Variants in EHBP1 observed in about 807,000 individuals in gnomAD.
The protein encoded by EHBP1 is EH domain-binding protein 1.
In EHBP1, 55 loss-of-function variants were observed where a neutral mutation model predicts 144.0. That is an observed-to-expected ratio of 0.38 (90% confidence interval 0.31 to 0.48). EHBP1 has a LOEUF of 0.48. EHBP1 is among the 20% of genes least tolerant of loss of function. The pLI is 0.98. For missense variants in EHBP1, 1,200 were observed against 1,364.2 expected (o/e 0.88, Z 1.90); for synonymous variants, 469 against 472.7 (o/e 0.99, Z 0.10).
In EHBP1 at chr2:62,948,742, T is replaced by A; in HGVS notation, c.1896T>A (p.Asp632Glu). ...QQSSGRTSGSDDPGICSNTDS... is the reference protein window; with the variant it reads ...QQSSGRTSGSEDPGICSNTDS... ...GCTCTGGAAGGACTTCAGGATCTGA[T>A]GACCCTGGAATATGTTCCAATACAG... is the stretch of plus-strand genomic sequence containing the variant. Residue 632 changes from aspartate (D) to glutamate (E), a missense_variant, in exon 13 of 23, where the codon GAT becomes GAA. Around this residue, in one of 6 missense-constraint regions of EHBP1, gnomAD observed 543 missense variants for 513.1 expected, o/e 1.06. Transcript: ENST00000431489. 6.2e-7 allele frequency: 1 copy of A among 1,614,132 alleles called. No individual in the cohort carries two copies. The highest frequency in any genetic ancestry group is 8.5e-7 in the Non-Finnish European group (1 of 1,180,002).
At position 62,845,042 on chromosome 2, in the gene EHBP1, A is replaced by G. The variant is rs76895834; in HGVS notation, c.634+13884A>G. ...TGACAAGATTCAGATAGTTAGGAGC[A>G]GGGATTGCTTTGTCTTAAAATCCCC... On this transcript the variant is annotated intron_variant, in intron 7 of 22. Transcript: ENST00000431489. 4.7e-4 allele frequency among the ~76,000 whole-genome samples: 71 copies of G among 152,204 alleles called. 1 individual carries two copies. Among genetic ancestry groups the G allele is most frequent in the African/African-American group, 1.4e-3 (58 of 41,536 alleles).
chr2:62,773,318 G>A (rs945568838), intron 5 of EHBP1, among the ~76,000 whole-genome samples: 3 of 152,008 alleles, frequency 2.0e-5, no homozygotes, highest in African/African-American at 7.3e-5. Flanking sequence ...CTGTCTAGGT[G>A]TATTAACTCT....
chr2:62,928,840 C>CAAAAAAAA (rs760426482), intron 10 of EHBP1, among the ~76,000 whole-genome samples: 16 of 65,166 alleles, frequency 2.5e-4, no homozygotes, highest in African/African-American at 2.9e-4. Flanking sequence ...AGACTAAGAA[C>CAAAAAAAA]AAAAAAAAAA....
chr2:62,884,460 C>G (rs2051745997), intron 10 of EHBP1, among the ~76,000 whole-genome samples: 1 of 152,186 alleles, frequency 6.6e-6, no homozygotes, highest in African/African-American at 2.4e-5. Flanking sequence ...TATCAGGTGG[C>G]TTAGTGTTCT....
At chr2:62,825,785 C>G (rs569647655) in intron 5 of EHBP1, among the ~76,000 whole-genome samples, 2 of 152,094 alleles carry the variant, frequency 1.3e-5, no homozygotes, top group African/African-American at 4.8e-5. Context: ...TCATAGTAAC[C>G]CTGGAGACTT....
rs1189570260 is a variant in EHBP1, at chr2:62,993,941, A to G, written c.2943A>G (p.Glu981=). 6.3e-7 allele frequency: 1 copy of G among 1,587,196 alleles called. No individual in the cohort carries two copies. Among genetic ancestry groups the G allele is most frequent in the Non-Finnish European group, 8.6e-7 (1 of 1,163,956 alleles). The change falls in exon 18 of 23, where the codon GAA becomes GAG. Residue 981 remains glutamate, a synonymous_variant. Coordinates refer to ENST00000431489, the MANE Select transcript of EHBP1 (RefSeq NM_001142616.3). The part of the protein sequence containing the change: ...KGNEEKAAIT[E]TQRKPSEDEV... ...ATGAGGAGAAGGCAGCGATAACTGA[A>G]ACTCAGAGGAAGCCATCAGAAGATG...
At chr2:62,820,470 T>G (rs1445283631) in intron 5 of EHBP1, among the ~76,000 whole-genome samples, 1 of 151,280 alleles carries the variant, frequency 6.6e-6, no homozygotes, top group Non-Finnish European at 1.5e-5. Flanking sequence ...TTTCCAGAAC[T>G]TTTTCATCAT....
chr2:62,752,612 C>T (rs572331113), intron 3 of EHBP1, among the ~76,000 whole-genome samples: 11 of 152,128 alleles, frequency 7.2e-5, no homozygotes, highest in Non-Finnish European at 1.5e-4. Context: ...GTGTGGGAGT[C>T]TAAGTCTCTT....
chr2:62,882,299 G>C (rs2051509179), intron 10 of EHBP1, among the ~76,000 whole-genome samples: 1 of 152,104 alleles, frequency 6.6e-6, no homozygotes, highest in Non-Finnish European at 1.5e-5. Flanking sequence ...TTGCTGGGTT[G>C]TGCTAGAGAA....
At chr2:62,715,223 T>C (rs2035545210) in intron 2 of EHBP1, among the ~76,000 whole-genome samples, 1 of 152,222 alleles carries the variant, frequency 6.6e-6, no homozygotes, top group Non-Finnish European at 1.5e-5. Flanking sequence ...CAAGCAATTC[T>C]TCTGCCTCGG....
At chr2:62,894,323 A>G (rs1034382819) in intron 10 of EHBP1, among the ~76,000 whole-genome samples, 2 of 152,326 alleles carry the variant, frequency 1.3e-5, no homozygotes, top group Admixed American at 6.5e-5. Context: ...AATGAGCATT[A>G]CTTACACCTC....
chr2:62,791,105 C>G (rs1485770151), intron 5 of EHBP1, among the ~76,000 whole-genome samples: 1 of 151,926 alleles, frequency 6.6e-6, no homozygotes, highest in Non-Finnish European at 1.5e-5. Flanking sequence ...GTAACTAGCC[C>G]AAAGTCATAT....
intron 19 of EHBP1, among the ~76,000 whole-genome samples, chr2:63,012,955 T>A (rs1363694228): frequency 2.0e-5 from 3 of 151,838 alleles, no homozygotes; most frequent in African/African-American, 2.4e-5. Flanking sequence ...TCAAAGTGAG[T>A]CTTATGTTTA....
intron 5 of EHBP1, among the ~76,000 whole-genome samples, chr2:62,802,139 C>T (rs776255127): frequency 6.6e-5 from 10 of 152,228 alleles, no homozygotes; most frequent in East Asian, 1.9e-4. Context: ...TCAGGTGCAA[C>T]GAATTCTAAC....
At chr2:63,008,554 A>G (rs979281591) in intron 19 of EHBP1, among the ~76,000 whole-genome samples, 4 of 151,106 alleles carry the variant, frequency 2.6e-5, no homozygotes, top group African/African-American at 9.7e-5. Flanking sequence ...AGTGATATAT[A>G]AATCACTGCT....
At chr2:63,028,785 T>A (rs2061100172) in intron 19 of EHBP1, among the ~76,000 whole-genome samples, 1 of 152,214 alleles carries the variant, frequency 6.6e-6, no homozygotes, top group Non-Finnish European at 1.5e-5. Context: ...CACTTGGCAT[T>A]TAGTAAATAA....
intron 5 of EHBP1, among the ~76,000 whole-genome samples, chr2:62,818,732 A>G (rs1386446390): frequency 1.3e-5 from 2 of 152,222 alleles, no homozygotes; most frequent in Non-Finnish European, 2.9e-5. Context: ...GAATCACAAA[A>G]TCACAAGTTG....
intron 19 of EHBP1, among the ~76,000 whole-genome samples, chr2:63,028,406 A>T (rs1261723266): frequency 6.6e-6 from 1 of 151,918 alleles, no homozygotes; most frequent in Non-Finnish European, 1.5e-5. Context: ...CTCTGGAGAC[A>T]CCCTGGGTAC....
At chr2:62,860,447 G>A (rs563524683) in intron 8 of EHBP1, among the ~76,000 whole-genome samples, 113 of 152,010 alleles carry the variant, frequency 7.4e-4, no homozygotes, top group Non-Finnish European at 8.8e-4. Flanking sequence ...CCAAGATCGC[G>A]CCATTGCACT....
Sources: allele counts gnomAD v4.1 joint callset (sites outside exome capture counted in the v4.1 genomes callset), GRCh38; gene constraint gnomAD v4.1.1; regional missense constraint gnomAD v4.1.1; transcripts MANE v1.5; gene names NCBI Gene and HGNC (gene_info 2026-07-23, HGNC 2026-07-21).